The following ASAP2 variants were observed in gnomAD, a reference collection of about 807,000 sequenced individuals.
ASAP2 encodes arf-GAP with SH3 domain, ANK repeat and PH domain-containing protein 2.
ASAP2 carries 45 observed loss-of-function variants against 131.4 expected under a neutral mutation model. The ratio of observed to expected loss-of-function variants is 0.34; its 90% CI spans 0.27 to 0.44. The LOEUF is 0.44. ASAP2 is among the 20% of genes least tolerant of loss of function. ASAP2 has a pLI of 1.00. For synonymous variants in ASAP2, 510 were observed against 503.0 expected (o/e 1.01, Z -0.19); for missense variants, 1,011 against 1,297.0 (o/e 0.78, Z 3.39).
chr2:9,333,135 A>C (rs192612916), intron 7 of ASAP2, among the ~76,000 whole-genome samples: 153 of 152,370 alleles, frequency 1.0e-3, no homozygotes, highest in Non-Finnish European at 1.7e-3. Context: ...GTTTAAAAGA[A>C]GTAAACATCA....
intron 1 of ASAP2, among the ~76,000 whole-genome samples, chr2:9,258,976 G>C (rs999713964): frequency 6.6e-6 from 1 of 152,106 alleles, no homozygotes; most frequent in Non-Finnish European, 1.5e-5. Context: ...CCAGTTTCGC[G>C]GGGCCAGACC....
chr2:9,380,390 G>C (rs1434765606), intron 19 of ASAP2, among the ~76,000 whole-genome samples: 4 of 152,028 alleles, frequency 2.6e-5, no homozygotes, highest in Non-Finnish European at 5.9e-5. Flanking sequence ...TAGAGACGGG[G>C]TTTCACCATG....
intron 1 of ASAP2, among the ~76,000 whole-genome samples, chr2:9,228,890 T>A (rs1473011479): frequency 6.6e-6 from 1 of 152,224 alleles, no homozygotes; most frequent in East Asian, 1.9e-4. Flanking sequence ...TTGATAGTCC[T>A]ATTTCCTGTC....
chr2:9,397,721 C>T (rs1328093847), intron 24 of ASAP2, among the ~76,000 whole-genome samples: 1 of 109,634 alleles, frequency 9.1e-6, no homozygotes, highest in Non-Finnish European at 1.8e-5. Context: ...AAAAAAAAAT[C>T]AAAAGGATAT....
intron 7 of ASAP2, among the ~76,000 whole-genome samples, chr2:9,332,486 T>C (rs565780100): frequency 6.6e-6 from 1 of 152,316 alleles, no homozygotes; most frequent in South Asian, 2.1e-4. Flanking sequence ...AATCTAAATC[T>C]AAATCCAAAT....
chr2:9,279,229 GCAA>G, intron 1 of ASAP2, 85 bp from the exon 2 acceptor site: 1 of 1,267,218 alleles, frequency 7.9e-7, no homozygotes, highest in East Asian at 2.3e-5. Flanking sequence ...CCTGGCAGAG[GCAA>G]TCAGAGTGGC....
chr2:9,298,956 G>C (rs183531507), intron 3 of ASAP2, among the ~76,000 whole-genome samples: 1 of 152,246 alleles, frequency 6.6e-6, no homozygotes, highest in Admixed American at 6.5e-5. Flanking sequence ...CACAACTATG[G>C]TAAGAAAATA....
At chr2:9,269,933 G>A (rs2148250597) in intron 1 of ASAP2, among the ~76,000 whole-genome samples, 1 of 152,304 alleles carries the variant, frequency 6.6e-6, no homozygotes, top group African/African-American at 2.4e-5. Context: ...CCTGGCTCCA[G>A]CTCAGCTGAG....
At chr2:9,399,808 G>T (rs1024063057) in intron 24 of ASAP2, 2 of 584,170 alleles carry the variant, frequency 3.4e-6, no homozygotes, top group Non-Finnish European at 6.1e-6. Flanking sequence ...CTCTGGAAAA[G>T]CCCTGGTTTT....
Position 9,217,099 on chromosome 2 carries a change from A to G in ASAP2, c.126+9869A>G, listed in dbSNP as rs552538177. Among the ~76,000 whole-genome samples, 32 of 152,276 alleles carry G rather than the reference A, an allele frequency of 2.1e-4. No homozygotes were observed. The highest frequency in any genetic ancestry group is 6.5e-4 in the African/African-American group (27 of 41,534). ...CATTCAAATCAAGCATTTTGACACCAGAGTCTGCTATTTCTTTTAGCAGCC... is the reference window on the plus strand; with the variant it reads ...CATTCAAATCAAGCATTTTGACACCGGAGTCTGCTATTTCTTTTAGCAGCC... On this transcript the variant is annotated intron_variant, in intron 1 of 27. Coordinates refer to ENST00000281419, the MANE Select transcript of ASAP2 (RefSeq NM_003887.3). This position sits in a 1 kb window ranked among gnomAD's most constrained non-coding sequence, Gnocchi z 4.0.
chr2:9,378,003 G>A (rs987860030), intron 18 of ASAP2, among the ~76,000 whole-genome samples: 5 of 152,182 alleles, frequency 3.3e-5, no homozygotes, highest in African/African-American at 1.2e-4. Flanking sequence ...TTTTCAGGGG[G>A]CAGGAGAGGG....
Position 9,334,749 on chromosome 2 carries a change from A to G in ASAP2, c.698A>G (p.Asp233Gly). 6.2e-7 allele frequency: 1 copy of G among 1,613,430 alleles called. No individual in the cohort carries two copies. The highest frequency in any genetic ancestry group is 8.5e-7 in the Non-Finnish European group (1 of 1,179,794). ...YFHAQCNFFQ[D>G]GLKAVESLKP... is the part of the protein sequence containing the mutation. ...CTTTTTCCTGCTAGTTTTTTTCAGG[A>G]TGGACTCAAAGCCGTGGAAAGCCTC... The change falls in exon 8 of 28, where the codon GAT becomes GGT. Residue 233 changes from aspartate (D) to glycine (G), a missense_variant. Transcript: ENST00000281419.
chr2:9,229,056 A>G (rs1328466128), intron 1 of ASAP2, among the ~76,000 whole-genome samples: 1 of 152,108 alleles, frequency 6.6e-6, no homozygotes. Flanking sequence ...GTTGAAGGCT[A>G]GGGGCGGAAA....
intron 6 of ASAP2, among the ~76,000 whole-genome samples, chr2:9,327,170 G>A (rs1670535172): frequency 6.7e-6 from 1 of 150,006 alleles, no homozygotes; most frequent in Non-Finnish European, 1.5e-5. Context: ...GCCAGGGCAT[G>A]AATCAGCAGC....
At chr2:9,211,863 A>G (rs1349051137) in intron 1 of ASAP2, among the ~76,000 whole-genome samples, 1 of 152,212 alleles carries the variant, frequency 6.6e-6, no homozygotes, top group Non-Finnish European at 1.5e-5. Flanking sequence ...AGAACAGATT[A>G]TTGCTGTCTT....
rs1677060651 is a variant in ASAP2 at position 9,404,734 on chromosome 2, A to G, written c.*1407A>G. 1 of 140,220 alleles carries G rather than the reference A, an allele frequency of 7.1e-6. No individual in the cohort carries two copies. Among genetic ancestry groups the G allele is most frequent in the Non-Finnish European group, 1.5e-5 (1 of 67,036 alleles). 8.7% of individuals were successfully genotyped at this position (140,220 alleles called of 1,614,324 possible). ...TTGTCTTTATTATGCAAGACTGTGTAGAGTTTTTTTTTTTTTTGGCATTGT... is the reference window on the plus strand; with the variant it reads ...TTGTCTTTATTATGCAAGACTGTGTGGAGTTTTTTTTTTTTTTGGCATTGT... On this transcript the variant is annotated 3_prime_UTR_variant, in exon 28 of 28. Transcript: ENST00000281419.
intron 1 of ASAP2, among the ~76,000 whole-genome samples, chr2:9,255,114 G>A (rs1423679539): frequency 2.0e-5 from 3 of 152,158 alleles, no homozygotes; most frequent in Non-Finnish European, 2.9e-5. Context: ...ATTTTACTGG[G>A]TGTGTAATGG....
intron 21 of ASAP2, 126 bp downstream of exon 21, chr2:9,385,484 T>A: frequency 1.4e-6 from 1 of 734,282 alleles, no homozygotes; most frequent in Non-Finnish European, 2.3e-6. Context: ...CTTTATGCTT[T>A]CATTGATCTC....
chr2:9,388,817 C>T (rs775790061), intron 22 of ASAP2, among the ~76,000 whole-genome samples: 5 of 152,222 alleles, frequency 3.3e-5, no homozygotes, highest in Non-Finnish European at 7.3e-5. Flanking sequence ...AGGTGGCCAA[C>T]TGGGCTCCCG....
Sources: gnomAD v4.1 joint callset for allele counts (sites outside exome capture counted in the v4.1 genomes callset) on GRCh38, gnomAD v4.1.1 for gene constraint, Gnocchi (gnomAD v3.1) non-coding constraint, MANE v1.5 for transcripts, NCBI Gene and HGNC (gene_info 2026-07-23, HGNC 2026-07-21) for gene names.